The following B4GALT5 variants were observed in gnomAD, a reference collection of about 807,000 sequenced individuals.
B4GALT5 encodes the protein UDP-Gal:beta-GlcNAc beta-1,4-galactosyltransferase 5.
A neutral mutation model predicts 45.0 loss-of-function variants in B4GALT5; 11 were observed. That is an observed-to-expected ratio of 0.24 (90% CI 0.15 to 0.40). The LOEUF (loss-of-function observed/expected upper bound fraction) is 0.40, where lower values mean the gene tolerates loss of function less well. Ranked by LOEUF, B4GALT5 falls within the 10% of genes least tolerant of loss-of-function variation. The pLI is 1.00. For missense variants in B4GALT5, 337 were observed against 500.2 expected (o/e 0.67, Z 3.11); for synonymous variants, 185 against 182.9 (o/e 1.01, Z -0.09).
In B4GALT5 at chr20:49,713,708, G is replaced by A. The variant is rs749265118; in HGVS notation, c.-18C>T. ...GCGCGCATGCTGCAGCCAGGCGGCC[G>A]CTAGAGAGCCAGGCCGGGCCTGCTC... is the stretch of plus-strand genomic sequence containing the variant. On this transcript the variant is annotated 5_prime_UTR_variant, in exon 1 of 9. Coordinates refer to ENST00000371711, the MANE Select transcript of B4GALT5 (RefSeq NM_004776.4). 9.4e-6 allele frequency: 12 copies of A among 1,275,730 alleles called. No individual in the cohort carries two copies. Among genetic ancestry groups the A allele is most frequent in the Middle Eastern group, 2.3e-4 (1 of 4,344 alleles). 79.0% of individuals were successfully genotyped at this position (1,275,730 alleles called of 1,614,324 possible). A position where few individuals can be genotyped will look rare whatever the true frequency, so the allele number is the denominator to read the frequency against.
intron 1 of B4GALT5, among the ~76,000 whole-genome samples, chr20:49,692,608 T>C (rs1041411686): frequency 6.6e-6 from 1 of 152,260 alleles, no homozygotes; most frequent in Admixed American, 6.5e-5. Context: ...GTTGTAGTGC[T>C]GGCATTGCCT....
intron 1 of B4GALT5, chr20:49,684,534 G>A: frequency 7.8e-6 from 4 of 513,412 alleles, no homozygotes; most frequent in Non-Finnish European, 1.2e-5. Flanking sequence ...CTGCACTCCA[G>A]CCTGGGCGAT....
chr20:49,704,546 C>T (rs1388879660), intron 1 of B4GALT5, among the ~76,000 whole-genome samples: 3 of 151,290 alleles, frequency 2.0e-5, no homozygotes, highest in Admixed American at 6.6e-5. Context: ...GGTGAAACCC[C>T]GTCTCTACTA....
At position 49,698,992 on chromosome 20, in the gene B4GALT5, C is replaced by T. The variant is rs1040947909; in HGVS notation, c.115+14584G>A. 3.9e-5 allele frequency among the ~76,000 whole-genome samples: 6 copies of T among 151,982 alleles called. 1 individual carries two copies. The highest frequency in any genetic ancestry group is 2.9e-5 in the Non-Finnish European group (2 of 67,998). On this transcript the variant is annotated intron_variant, in intron 1 of 8. Transcript: ENST00000371711. ...AATTTATCGTAGCCTAAGCAAAAAC[C>T]ACCTATCAAAGCAAAGACTGGCAAG...
chr20:49,675,858 T>C (rs2085734976), intron 1 of B4GALT5, among the ~76,000 whole-genome samples: 2 of 152,216 alleles, frequency 1.3e-5, no homozygotes, highest in Admixed American at 6.5e-5. Flanking sequence ...AATTTTCAAC[T>C]CTAGACTTTA....
chr20:49,694,474 A>G (rs923622585), intron 1 of B4GALT5, among the ~76,000 whole-genome samples: 2 of 152,058 alleles, frequency 1.3e-5, no homozygotes, highest in African/African-American at 4.8e-5. Context: ...CAACACAGGG[A>G]GACCTAGTCC....
intron 1 of B4GALT5, among the ~76,000 whole-genome samples, chr20:49,701,597 G>C (rs767464602): frequency 8.5e-5 from 13 of 152,082 alleles, no homozygotes; most frequent in Non-Finnish European, 1.5e-4. Context: ...GGAAGGCACG[G>C]GGAAACAGAA....
chr20:49,709,962 GAA>G (rs1688871461), intron 1 of B4GALT5, among the ~76,000 whole-genome samples: 2 of 152,178 alleles, frequency 1.3e-5, no homozygotes, highest in South Asian at 2.1e-4. Context: ...TCAAGTCCAA[GAA>G]AAGTTTCCTT....
chr20:49,656,446 A>G lies in B4GALT5; in HGVS notation c.250+122T>C, dbSNP rs2085643309. ...GCAAGAGCTTTTTTAGCAGTAAAGT[A>G]AAACTCAGCCAAATCCCTCTTTTAC... On this transcript the variant is annotated intron_variant, in intron 2 of 8. Transcript: ENST00000371711. 6 of 1,311,872 alleles carry G rather than the reference A, an allele frequency of 4.6e-6. No individual in the cohort carries two copies. The South Asian group carries it at 6.8e-5, about 15-fold the overall frequency. The allele number at this position is 1,311,872 out of a possible 1,614,324, so 81.3% of individuals were successfully genotyped here. A position where few individuals can be genotyped will look rare whatever the true frequency, so the allele number is the denominator to read the frequency against.
Position 49,648,616 on chromosome 20 carries a change from T to G in B4GALT5, c.251-1538A>C, listed in dbSNP as rs572109034. ...CTGCTTTCTACCTACCAAGGTTTTT[T>G]GCTGTGGTCTCCTTTTGTGTTCTCA... On this transcript the variant is annotated intron_variant, in intron 2 of 8. Coordinates refer to ENST00000371711, the MANE Select transcript of B4GALT5 (RefSeq NM_004776.4). Among the ~76,000 whole-genome samples, 3 of 152,352 alleles carry G rather than the reference T, an allele frequency of 2.0e-5. No individual in the cohort carries two copies. The South Asian group carries it at 6.2e-4, about 32-fold the overall frequency.
intron 5 of B4GALT5, among the ~76,000 whole-genome samples, chr20:49,641,005 C>T (rs1698272): frequency 0.47 from 71,110 of 152,076 alleles, 17,593 homozygotes; most frequent in South Asian, 0.65. Flanking sequence ...ATCCCAGCTA[C>T]TTGGGAGGCT....
At chr20:49,712,389 G>T (rs2085916924) in intron 1 of B4GALT5, among the ~76,000 whole-genome samples, 1 of 150,880 alleles carries the variant, frequency 6.6e-6, no homozygotes, top group African/African-American at 2.4e-5. Flanking sequence ...TAACCTTCAT[G>T]CTGTCTTTCC....
chr20:49,658,082 T>C (rs1912512434), intron 1 of B4GALT5, among the ~76,000 whole-genome samples: 1 of 152,172 alleles, frequency 6.6e-6, no homozygotes, highest in African/African-American at 2.4e-5. Context: ...GAGGGAGCAG[T>C]TTCAAATGCG....
At position 49,635,066 on chromosome 20, in the gene B4GALT5, A is replaced by G. The variant is rs1442868956; in HGVS notation, c.*1246T>C. On this transcript the variant is annotated 3_prime_UTR_variant, in exon 9 of 9. Coordinates refer to ENST00000371711, the MANE Select transcript of B4GALT5 (RefSeq NM_004776.4). ...CCCTATTTGAGTGCTCCTTGGTTCT[A>G]TGTATCAGTTACTAATGTTGACAAA... 5 of 152,204 alleles carry G rather than the reference A, an allele frequency of 3.3e-5. No individual in the cohort carries two copies. The highest frequency in any genetic ancestry group is 4.4e-5 in the Non-Finnish European group (3 of 68,070). 9.4% of individuals were successfully genotyped at this position (152,204 alleles called of 1,614,324 possible). A position where few individuals can be genotyped will look rare whatever the true frequency, so the allele number is the denominator to read the frequency against.
At chr20:49,695,116 G>A (rs554797905) in intron 1 of B4GALT5, among the ~76,000 whole-genome samples, 1 of 146,540 alleles carries the variant, frequency 6.8e-6, no homozygotes, top group Non-Finnish European at 1.5e-5. Flanking sequence ...TTTTTTTGGT[G>A]ATGAGTAACT....
chr20:49,712,466 G>A (rs925705470), intron 1 of B4GALT5, among the ~76,000 whole-genome samples: 1 of 152,008 alleles, frequency 6.6e-6, no homozygotes, highest in Non-Finnish European at 1.5e-5. Flanking sequence ...GGGGCAGGCG[G>A]GGGAGGGGTG....
intron 1 of B4GALT5, among the ~76,000 whole-genome samples, chr20:49,710,405 CTT>C (rs751939911): frequency 2.9e-5 from 3 of 102,438 alleles, no homozygotes; most frequent in African/African-American, 7.1e-5. Context: ...TTTTCTCTCT[CTT>C]TTTTTTTTTT....
Position 49,712,840 on chromosome 20 carries a change from G to C in B4GALT5, c.115+736C>G, listed in dbSNP as rs574869458. Among the ~76,000 whole-genome samples the C allele has an allele frequency of 1.5e-4, 22 of 144,708 alleles. 1 individual carries two copies. The highest frequency in any genetic ancestry group is 5.5e-4 in the African/African-American group (20 of 36,584). 94.9% of individuals were successfully genotyped at this position (144,708 alleles called of 152,430 possible). On this transcript the variant is annotated intron_variant, in intron 1 of 8. Transcript: ENST00000371711. Reference sequence around the variant, plus strand: ...GTGCCCTTGTGGGTACGCGAGGTGGGGGGGGGGGAGATGGGGAAGAGGCAT... The same window carrying C: ...GTGCCCTTGTGGGTACGCGAGGTGGCGGGGGGGGAGATGGGGAAGAGGCAT...
At chr20:49,667,543 G>A (rs939153469) in intron 1 of B4GALT5, among the ~76,000 whole-genome samples, 7 of 147,778 alleles carry the variant, frequency 4.7e-5, no homozygotes, top group African/African-American at 1.5e-4. Context: ...GTGAGCCACC[G>A]CGCCCGGCCT....
Sources: gnomAD v4.1 joint callset for allele counts (sites outside exome capture counted in the v4.1 genomes callset) on GRCh38, gnomAD v4.1.1 for gene constraint, MANE v1.5 for transcripts, NCBI Gene and HGNC (gene_info 2026-07-23, HGNC 2026-07-21) for gene names.